The following ARAP1 variants were observed in gnomAD, a reference collection of about 807,000 sequenced individuals.
ARAP1 encodes ArfGAP with RhoGAP domain, ankyrin repeat and PH domain 1, also known as arf-GAP with Rho-GAP domain, ANK repeat and PH domain-containing protein 1.
Under a neutral mutation model 172.2 loss-of-function variants are expected in ARAP1, and 76 were observed. That is an observed-to-expected ratio of 0.44 (90% CI 0.37 to 0.53). The LOEUF (loss-of-function observed/expected upper bound fraction) is 0.53, where lower values mean the gene tolerates loss of function less well. Among genes scored for constraint, ARAP1 ranks in the 20% least tolerant of loss-of-function variants. ARAP1 has a pLI of 0.00. For missense variants in ARAP1, 1,686 were observed against 1,977.5 expected, an observed-to-expected ratio of 0.85 and a Z score of 2.80; for synonymous variants, 804 against 803.3, an observed-to-expected ratio of 1.00 and a Z score of -0.01.
chr11:72,727,103 A>C lies in ARAP1; in HGVS notation c.26T>G (p.Leu9Arg), dbSNP rs1393122655. 6.3e-7 allele frequency: 1 copy of C among 1,593,304 alleles called. No homozygotes were observed. Among genetic ancestry groups the C allele is most frequent in the Non-Finnish European group, 8.6e-7 (1 of 1,165,852 alleles). Reference sequence around the variant, plus strand: ...TGCCCGCAGCCACTCGGCCACCGATAGCGCAGCATCCCCAGCCTCTGCCAT... The same window carrying C: ...TGCCCGCAGCCACTCGGCCACCGATCGCGCAGCATCCCCAGCCTCTGCCAT... MAEAGDAA[L>R]SVAEWLRALH... Residue 9 changes from leucine to arginine, a missense_variant, in exon 3 of 35, where the codon CTA becomes CGA. Leu to Arg is a moderately radical substitution (Grantham distance 102). This residue lies in a region of ARAP1 where 190 missense variants were observed against 228.6 expected (regional missense o/e 0.83). Coordinates refer to ENST00000393609, the MANE Select transcript of ARAP1 (RefSeq NM_001040118.3).
chr11:72,701,928 T>G (rs1490025796), intron 15 of ARAP1, 145 bp from the exon 16 acceptor site: 3 of 1,063,828 alleles, frequency 2.8e-6, no homozygotes, highest in Non-Finnish European at 4.1e-6. Flanking sequence ...CTCCCCCTCC[T>G]ACCTGCAGGG....
intron 1 of ARAP1, among the ~76,000 whole-genome samples, chr11:72,736,144 CATTA>C (rs1858016379): frequency 6.6e-6 from 1 of 151,734 alleles, no homozygotes; most frequent in East Asian, 1.9e-4. Flanking sequence ...GGATTTTTGG[CATTA>C]ATTTTTATTT....
intron 1 of ARAP1, among the ~76,000 whole-genome samples, chr11:72,736,068 GAC>G (rs1565231542): frequency 6.6e-6 from 1 of 152,166 alleles, no homozygotes; most frequent in African/African-American, 2.4e-5. Flanking sequence ...CTGAGGCAAA[GAC>G]AGAATCATCA....
chr11:72,714,235 G>A lies in ARAP1; in HGVS notation c.596C>T (p.Pro199Leu). 6.5e-7 allele frequency: 1 copy of A among 1,528,394 alleles called. No homozygotes were observed. The highest frequency in any genetic ancestry group is 8.8e-7 in the Non-Finnish European group (1 of 1,140,510). The allele number at this position is 1,528,394 out of a possible 1,614,324, so 94.7% of individuals were successfully genotyped here. A position where few individuals can be genotyped will look rare whatever the true frequency, so the allele number is the denominator to read the frequency against. Reference sequence around the variant, plus strand: ...AGAGGGAGGCTGGGGAGGCCCCTGGGGGAGGGTGGACAGGGGCTCCTCAGA... The same window carrying A: ...AGAGGGAGGCTGGGGAGGCCCCTGGAGGAGGGTGGACAGGGGCTCCTCAGA... Reference protein sequence around the residue: ...PQSEEPLSTLPQGPPQPPSPP... With the variant: ...PQSEEPLSTLLQGPPQPPSPP... Residue 199 changes from proline (P) to leucine (L), a missense_variant, in exon 4 of 35, where the codon CCC becomes CTC. Transcript: ENST00000393609.
Position 72,697,359 on chromosome 11 carries a change from T to A in ARAP1, c.2917A>T (p.Ile973Phe), listed in dbSNP as rs764769172. The A allele has an allele frequency of 3.7e-6, 6 of 1,603,316 alleles. No homozygotes were observed. The highest frequency in any genetic ancestry group is 5.1e-6 in the Non-Finnish European group (6 of 1,175,340). Residue 973 changes from isoleucine (I) to phenylalanine (F), a missense_variant, in exon 21 of 35, where the codon ATC becomes TTC. Physicochemically the swap from Ile to Phe is conservative, Grantham distance 21 (BLOSUM62 0). Transcript: ENST00000393609. Reference sequence around the variant, plus strand: ...ATGTAGTCCACACAGCGGTACACGATCACCGGGATATCCGAGTCCCCAAGC... The same window carrying A: ...ATGTAGTCCACACAGCGGTACACGAACACCGGGATATCCGAGTCCCCAAGC... ...QQLGDSDIPV[I>F]VYRCVDYITQ... is the part of the protein sequence containing the mutation.
In ARAP1 at chr11:72,699,966, T is replaced by C; in HGVS notation, c.2303-414A>G. 3 of 200,970 alleles carry C rather than the reference T, an allele frequency of 1.5e-5. No individual in the cohort carries two copies. The highest frequency in any genetic ancestry group is 3.1e-5 in the Non-Finnish European group (3 of 96,384). 12.4% of individuals were successfully genotyped at this position (200,970 alleles called of 1,614,324 possible). A position where few individuals can be genotyped will look rare whatever the true frequency, so the allele number is the denominator to read the frequency against. On this transcript the variant is annotated intron_variant, in intron 16 of 34. Coordinates refer to ENST00000393609, the MANE Select transcript of ARAP1 (RefSeq NM_001040118.3). This position sits in a 1 kb window ranked among gnomAD's most constrained non-coding sequence, Gnocchi z 4.2. ...CAGCACTCCCAGCTTTTGCAAACCT[T>C]GTCCCCTCTACCCACCACCTGAATG...
intron 1 of ARAP1, among the ~76,000 whole-genome samples, chr11:72,745,182 CTTTTTTTTTTT>C (rs902550014): frequency 2.3e-5 from 2 of 88,312 alleles, no homozygotes; most frequent in African/African-American, 4.9e-5. Flanking sequence ...AAGTTTCTTT[CTTTTTTTTTTT>C]TTTTTTTTTT....
chr11:72,718,278 G>A (rs1455178942), intron 3 of ARAP1, among the ~76,000 whole-genome samples: 1 of 151,994 alleles, frequency 6.6e-6, no homozygotes, highest in East Asian at 1.9e-4. Flanking sequence ...ACCCCCTACC[G>A]AGAACAGGGC....
chr11:72,713,286 G>A (rs1486242847), intron 4 of ARAP1, 43 bp from the exon 5 acceptor site: 13 of 1,578,178 alleles, frequency 8.2e-6, no homozygotes, highest in Non-Finnish European at 1.0e-5. Context: ...AAGGGGCCTG[G>A]CCTCCTCTCC....
rs770056996 is a variant in ARAP1, at chr11:72,741,324, C to T, written c.-127-8727G>A. ...CATAGCTCCTGACCCCAACCCTCCACAGCCTCACCCCAGGACCCTCCCCAC... is the reference window on the plus strand; with the variant it reads ...CATAGCTCCTGACCCCAACCCTCCATAGCCTCACCCCAGGACCCTCCCCAC... On this transcript the variant is annotated intron_variant, in intron 1 of 34. Transcript: ENST00000393609. The surrounding 1 kb of genome is among the most constrained non-coding windows in gnomAD (Gnocchi z 4.5). Among the ~76,000 whole-genome samples, 1 of 152,170 alleles carries T rather than the reference C, an allele frequency of 6.6e-6. No individual in the cohort carries two copies. The highest frequency in any genetic ancestry group is 1.5e-5 in the Non-Finnish European group (1 of 68,026).
intron 11 of ARAP1, chr11:72,708,239 G>A (rs1248422426): frequency 6.6e-6 from 1 of 152,140 alleles, no homozygotes; most frequent in Non-Finnish European, 1.5e-5. Context: ...CTTTATGGAG[G>A]TGCTGGAGAC....
chr11:72,696,430 ACAGT>A, intron 23 of ARAP1, 115 bp downstream of exon 23: 2 of 705,692 alleles, frequency 2.8e-6, no homozygotes, highest in Non-Finnish European at 4.5e-6. Flanking sequence ...AGGGCAGATC[ACAGT>A]CAGCACTTGG....
chr11:72,750,085 C>T (rs1227503726), intron 1 of ARAP1, among the ~76,000 whole-genome samples: 1 of 152,218 alleles, frequency 6.6e-6, no homozygotes, highest in African/African-American at 2.4e-5. Context: ...CTGTCCCCCA[C>T]CCTTGTTCCC....
At position 72,726,807 on chromosome 11, in the gene ARAP1, C is replaced by T; in HGVS notation, c.322G>A (p.Asp108Asn). 6.4e-7 allele frequency: 1 copy of T among 1,558,924 alleles called. No homozygotes were observed. Residue 108 changes from aspartate (D) to asparagine (N), a missense_variant, in exon 3 of 35, where the codon GAT (aspartate) becomes AAT (asparagine). Asp to Asn is a conservative substitution (Grantham distance 23). Coordinates refer to ENST00000393609, the MANE Select transcript of ARAP1 (RefSeq NM_001040118.3). The surrounding 1 kb of genome is among the most constrained non-coding windows in gnomAD (Gnocchi z 6.5). Reference sequence around the variant, plus strand: ...GGTGGGGCAGCGGGGAGCCCCTCATCCTCTGTAGTGGTGGGCAGCGGCTCG... The same window carrying T: ...GGTGGGGCAGCGGGGAGCCCCTCATTCTCTGTAGTGGTGGGCAGCGGCTCG... The part of the protein sequence containing the change: ...PPEPLPTTTE[D>N]EGLPAAPPIP...
intron 30 of ARAP1, among the ~76,000 whole-genome samples, chr11:72,689,292 G>C (rs1855826863): frequency 6.6e-6 from 1 of 152,168 alleles, no homozygotes; most frequent in Non-Finnish European, 1.5e-5. Context: ...GAGGGATGGG[G>C]GCAATGACCC....
intron 30 of ARAP1, chr11:72,688,819 C>T (rs967911226): frequency 2.3e-5 from 9 of 395,710 alleles, no homozygotes; most frequent in South Asian, 8.6e-5. Context: ...TCTGTAACAG[C>T]GAATCCCAGC....
At chr11:72,688,639 T>C (rs1855794224) in intron 30 of ARAP1, 102 bp from the exon 31 acceptor site, 1 of 1,002,016 alleles carries the variant, frequency 1.0e-6, no homozygotes, top group Non-Finnish European at 1.5e-6. Context: ...CCAGCCCTCT[T>C]TGCATCCCAG....
intron 7 of ARAP1, among the ~76,000 whole-genome samples, chr11:72,711,959 G>A (rs1251882533): frequency 6.6e-6 from 1 of 152,192 alleles, no homozygotes; most frequent in Non-Finnish European, 1.5e-5. Context: ...AGTATCTCAA[G>A]TGCAGAGATT....
Position 72,712,277 on chromosome 11 carries a change from G to C in ARAP1, c.941C>G (p.Pro314Arg). 1.3e-6 allele frequency: 2 copies of C among 1,599,410 alleles called. No individual in the cohort carries two copies. Among genetic ancestry groups the C allele is most frequent in the Non-Finnish European group, 1.7e-6 (2 of 1,172,198 alleles). ...GGAGCCCCCAGGCGGCCCGTCCATG[G>C]GGTGTGGCGCAGCTATTGTGCTGGG... ...SLPSTIAAPH[P>R]MDGPPGGSTP... The change falls in exon 7 of 35, where the codon CCC (proline) becomes CGC (arginine). Residue 314 changes from proline to arginine, a missense_variant. Pro to Arg is a moderately radical substitution (Grantham distance 103). Transcript: ENST00000393609.
Sources: gnomAD v4.1 joint callset for allele counts (sites outside exome capture counted in the v4.1 genomes callset) on GRCh38, gnomAD v4.1.1 for gene constraint, gnomAD v4.1.1 regional missense constraint, Gnocchi (gnomAD v3.1) non-coding constraint, MANE v1.5 for transcripts, NCBI Gene and HGNC (gene_info 2026-07-23, HGNC 2026-07-21) for gene names.